Variants in FAM53B observed in about 807,000 individuals in gnomAD.
FAM53B encodes family with sequence similarity 53 member B.
In FAM53B, 12 loss-of-function variants were observed where a neutral mutation model predicts 32.7. The ratio of observed to expected loss-of-function variants is 0.37; its 90% CI spans 0.24 to 0.59. The LOEUF (loss-of-function observed/expected upper bound fraction) is 0.59, where lower values mean the gene tolerates loss of function less well. FAM53B is among the 20% of genes least tolerant of loss of function. FAM53B has a pLI of 0.72. For synonymous variants in FAM53B, 234 were observed against 228.7 expected (o/e 1.02, Z -0.21); for missense variants, 477 against 577.7 (o/e 0.83, Z 1.79).
Position 124,681,854 on chromosome 10 carries a change from C to T in FAM53B, c.659G>A (p.Gly220Glu). ...TWSPDLHPVG[G>E]GRLDLQRSLS... ...GGACCGCTGCAGGTCCAGCCGGCCT[C>T]CTCCCACGGGGTGCAGGTCAGGGCT... The change falls in exon 4 of 5, where the codon GGA becomes GAA. Residue 220 changes from glycine (G) to glutamate (E), a missense_variant. By Grantham distance (98) the Gly-to-Glu change is moderately conservative. Around this residue, in one of 2 missense-constraint regions of FAM53B, gnomAD observed 312 missense variants for 420.2 expected, o/e 0.74. Transcript: ENST00000337318. 1 of 1,612,976 alleles carries T rather than the reference C, an allele frequency of 6.2e-7. No homozygotes were observed.
intron 1 of FAM53B, among the ~76,000 whole-genome samples, chr10:124,710,776 A>G (rs1949996472): frequency 2.0e-5 from 3 of 152,166 alleles, no homozygotes; most frequent in Non-Finnish European, 4.4e-5. Context: ...CACATTAGCC[A>G]CAAGCCAGAT....
intron 1 of FAM53B, among the ~76,000 whole-genome samples, chr10:124,723,704 G>T (rs556978982): frequency 2.0e-5 from 3 of 152,220 alleles, no homozygotes; most frequent in Non-Finnish European, 4.4e-5. Flanking sequence ...CACTTGCAGG[G>T]CCGGCCCTGG....
At chr10:124,676,472 C>T (rs1218090721) in intron 4 of FAM53B, among the ~76,000 whole-genome samples, 1 of 152,196 alleles carries the variant, frequency 6.6e-6, no homozygotes, top group East Asian at 1.9e-4. Context: ...CGCACAGGAA[C>T]TTGGCCAAGG....
chr10:124,720,174 A>C (rs1224678257), intron 1 of FAM53B, among the ~76,000 whole-genome samples: 3 of 151,858 alleles, frequency 2.0e-5, no homozygotes, highest in Non-Finnish European at 4.4e-5. Flanking sequence ...AAAAAAAAAA[A>C]AAAAACAAAC....
intron 4 of FAM53B, chr10:124,671,238 C>G: frequency 6.7e-6 from 3 of 448,374 alleles, no homozygotes; most frequent in Non-Finnish European, 9.1e-6. Context: ...ATTTCATCAC[C>G]TTCCCTTTCT....
In FAM53B at chr10:124,623,424, A is replaced by G. The variant is rs1377306525; in HGVS notation, c.1087T>C (p.Phe363Leu). ...TPVPEPLPPS[F>L]DDHLACQEDL... The stretch of plus-strand genomic sequence containing the variant: ...TCCTGGCAGGCGAGGTGGTCGTCGA[A>G]GGAAGGGGGAAGAGGCTCAGGGACC... The change falls in exon 5 of 5, where the codon TTC becomes CTC. Residue 363 changes from phenylalanine to leucine, a missense_variant. By Grantham distance (22) the Phe-to-Leu change is conservative. Transcript: ENST00000337318. 6.2e-7 allele frequency: 1 copy of G among 1,606,320 alleles called. No individual in the cohort carries two copies. Among genetic ancestry groups the G allele is most frequent in the Non-Finnish European group, 8.5e-7 (1 of 1,177,276 alleles).
intron 1 of FAM53B, among the ~76,000 whole-genome samples, chr10:124,714,758 C>CAAAAAAAAA (rs71484584): frequency 1.1e-5 from 1 of 90,844 alleles, no homozygotes. Flanking sequence ...GACTCCACCT[C>CAAAAAAAAA]AAAAAAAAAA....
chr10:124,645,738 G>A (rs889983037), intron 4 of FAM53B, among the ~76,000 whole-genome samples: 6 of 152,160 alleles, frequency 3.9e-5, no homozygotes, highest in African/African-American at 1.2e-4. Context: ...CCCGGGAGCT[G>A]GCAGAAGTGC....
chr10:124,679,432 G>A (rs1211685321), intron 4 of FAM53B, among the ~76,000 whole-genome samples: 1 of 152,188 alleles, frequency 6.6e-6, no homozygotes, highest in Non-Finnish European at 1.5e-5. Context: ...TAAATACACA[G>A]GGATACCCTA....
At chr10:124,666,784 C>T (rs1949675717) in intron 4 of FAM53B, among the ~76,000 whole-genome samples, 1 of 152,236 alleles carries the variant, frequency 6.6e-6, no homozygotes, top group South Asian at 2.1e-4. Flanking sequence ...CCGGACCAGC[C>T]CCACGAGGAG....
chr10:124,717,755 G>A (rs1012999383), intron 1 of FAM53B, among the ~76,000 whole-genome samples: 4 of 152,190 alleles, frequency 2.6e-5, no homozygotes, highest in Non-Finnish European at 5.9e-5. Context: ...TTTCAGTGAC[G>A]CTAACAACAA....
intron 4 of FAM53B, among the ~76,000 whole-genome samples, chr10:124,652,324 T>A (rs1165850934): frequency 6.6e-6 from 1 of 152,162 alleles, no homozygotes; most frequent in East Asian, 1.9e-4. Context: ...AGGGGTGAAC[T>A]GAGCAAGGAA....
At chr10:124,716,051 C>T (rs1268817848) in intron 1 of FAM53B, among the ~76,000 whole-genome samples, 1 of 152,270 alleles carries the variant, frequency 6.6e-6, no homozygotes, top group African/African-American at 2.4e-5. Flanking sequence ...GGTGGACATT[C>T]AGCAGGGCAA....
chr10:124,671,997 T>C (rs1192300518), intron 4 of FAM53B, among the ~76,000 whole-genome samples: 1 of 152,200 alleles, frequency 6.6e-6, no homozygotes, highest in Non-Finnish European at 1.5e-5. Flanking sequence ...TGGCTTGAAG[T>C]TGCAAGAAAG....
chr10:124,681,785 G>C lies in FAM53B; in HGVS notation c.728C>G (p.Pro243Arg). 6.2e-7 allele frequency: 1 copy of C among 1,609,090 alleles called. No homozygotes were observed. Residue 243 changes from proline to arginine, a missense_variant, in exon 4 of 5, where the codon CCT becomes CGT. Transcript: ENST00000337318. ...HEQFSFVEYC[P>R]PSANSTPAST... is the part of the protein sequence containing the mutation. ...GGCAGGTGTGCTGTTGGCTGAGGGA[G>C]GACAGTATTCCACAAAGGAAAACTG...
intron 3 of FAM53B, among the ~76,000 whole-genome samples, chr10:124,693,342 C>T (rs568925770): frequency 2.2e-4 from 33 of 152,104 alleles, no homozygotes; most frequent in African/African-American, 7.2e-4. Context: ...TGGTGGCACA[C>T]GCTTGTAATC....
intron 4 of FAM53B, among the ~76,000 whole-genome samples, chr10:124,637,945 C>T (rs1589733201): frequency 6.6e-6 from 1 of 152,372 alleles, no homozygotes; most frequent in South Asian, 2.1e-4. Context: ...CCCCCCGCAC[C>T]CAGGAGCTGG....
chr10:124,694,772 C>T (rs980761873), intron 3 of FAM53B, among the ~76,000 whole-genome samples: 9 of 152,176 alleles, frequency 5.9e-5, no homozygotes, highest in East Asian at 1.9e-4. Flanking sequence ...CCTGTGGGGA[C>T]GGGCCTCCCA....
At chr10:124,695,964 A>T (rs1949866533) in intron 3 of FAM53B, among the ~76,000 whole-genome samples, 194 bp downstream of exon 3, 1 of 152,220 alleles carries the variant, frequency 6.6e-6, no homozygotes. Context: ...TTGGAGTTGT[A>T]AACCACACAC....
Sources: allele counts gnomAD v4.1 joint callset (sites outside exome capture counted in the v4.1 genomes callset), GRCh38; gene constraint gnomAD v4.1.1; regional missense constraint gnomAD v4.1.1; transcripts MANE v1.5; gene names NCBI Gene and HGNC (gene_info 2026-07-23, HGNC 2026-07-21).